Variants in NBAS observed in about 807,000 individuals in gnomAD.
NBAS encodes the protein NAG/BC035112 fusion.
NBAS carries 219 observed loss-of-function variants against 302.5 expected under a neutral mutation model. That is an observed-to-expected ratio of 0.72 (90% confidence interval 0.65 to 0.81). NBAS has a LOEUF of 0.81. Among genes scored for constraint, NBAS ranks in the 30% least tolerant of loss-of-function variants. NBAS has a pLI of 0.00. For missense variants in NBAS, 2,932 were observed against 2,841.6 expected (o/e 1.03, Z -0.72); for synonymous variants, 1,118 against 1,021.6 (o/e 1.09, Z -1.80).
intron 16 of NBAS, among the ~76,000 whole-genome samples, chr2:15,470,209 A>G (rs1679899734): frequency 6.6e-6 from 1 of 152,070 alleles, no homozygotes; most frequent in African/African-American, 2.4e-5. Flanking sequence ...AACATCTAGC[A>G]CACTGTAGGA....
At chr2:15,216,604 T>C (rs1032773726) in intron 48 of NBAS, among the ~76,000 whole-genome samples, 3 of 152,204 alleles carry the variant, frequency 2.0e-5, no homozygotes, top group African/African-American at 7.2e-5. Context: ...TATTCAGAAG[T>C]CCTTGAACTC....
chr2:14,971,928 A>G, the NBAS span, among the ~76,000 whole-genome samples: 87 of 152,326 alleles, frequency 5.7e-4, no homozygotes, highest in African/African-American at 1.8e-3. Flanking sequence ...TGGTTCTTGT[A>G]TCTCCATCAA....
At chr2:15,538,376 TG>T (rs1663624974) in intron 7 of NBAS, 2 of 411,790 alleles carry the variant, frequency 4.9e-6, no homozygotes, top group Non-Finnish European at 4.9e-6. Flanking sequence ...TCATTATTTC[TG>T]AAAAAAAAAT....
At position 15,239,689 on chromosome 2, in the gene NBAS, G is replaced by A. The variant is rs551665498; in HGVS notation, c.5725-1003C>T. 1.5e-4 allele frequency among the ~76,000 whole-genome samples: 22 copies of A among 149,014 alleles called. No individual in the cohort carries two copies. In the Admixed American group the frequency reaches 1.6e-3, roughly 11 times the overall value. On this transcript the variant is annotated intron_variant, in intron 44 of 51. Coordinates refer to ENST00000281513, the MANE Select transcript of NBAS (RefSeq NM_015909.4). The stretch of plus-strand genomic sequence containing the variant: ...TAAAAATATAAGAAATATGTATTCA[G>A]ACATATGCATATACATATATATATA...
At chr2:15,474,373 A>G (rs369816018) in intron 14 of NBAS, 49 bp from the exon 15 acceptor site, 2 of 1,502,284 alleles carry the variant, frequency 1.3e-6, no homozygotes, top group Middle Eastern at 1.7e-4. Context: ...AATAAGAATA[A>G]CTTTTTAGAA....
At chr2:15,251,111 T>C (rs1402400210) in intron 44 of NBAS, among the ~76,000 whole-genome samples, 1 of 152,164 alleles carries the variant, frequency 6.6e-6, no homozygotes, top group Non-Finnish European at 1.5e-5. Context: ...ATATATACCA[T>C]GGAATACTAT....
intron 44 of NBAS, among the ~76,000 whole-genome samples, chr2:15,261,568 T>C (rs1248223736): frequency 2.6e-5 from 4 of 152,210 alleles, no homozygotes; most frequent in African/African-American, 9.6e-5. Context: ...CCCTTTGCCT[T>C]GTACAATAAC....
chr2:15,046,133 A>G, the NBAS span, among the ~76,000 whole-genome samples: 4 of 152,140 alleles, frequency 2.6e-5, no homozygotes, highest in Non-Finnish European at 2.9e-5. Context: ...CAGCTCTCCA[A>G]TGGTTTCAAA....
rs187890179 is a variant in NBAS, at chr2:15,209,267, A to G, written c.6432+9506T>C. ...AACCATGAAGAAATCTAAAACCTGA[A>G]CAGACCAATAACAGGTAATGAGACA... On this transcript the variant is annotated intron_variant, in intron 48 of 51. Transcript: ENST00000281513. Among the ~76,000 whole-genome samples the G allele has an allele frequency of 5.9e-5, 9 of 152,302 alleles. No homozygotes were observed. In the East Asian group the frequency reaches 1.5e-3, roughly 26 times the overall value.
chr2:15,201,506 A>G (rs1317756823), intron 48 of NBAS, among the ~76,000 whole-genome samples: 1 of 152,224 alleles, frequency 6.6e-6, no homozygotes, highest in Non-Finnish European at 1.5e-5. Flanking sequence ...AACATTCCCC[A>G]CCAATCTAAG....
the NBAS span, among the ~76,000 whole-genome samples, chr2:14,957,522 T>C: frequency 6.6e-6 from 1 of 152,074 alleles, no homozygotes; most frequent in African/African-American, 2.4e-5. Context: ...CTAGGTTGTT[T>C]CTTGGGCTCC....
At chr2:15,110,461 A>G in the NBAS span, among the ~76,000 whole-genome samples, 1 of 152,214 alleles carries the variant, frequency 6.6e-6, no homozygotes, top group African/African-American at 2.4e-5. Flanking sequence ...GTGTTCATAC[A>G]TAATGTACAA....
At chr2:15,451,464 C>T (rs1679006865) in intron 21 of NBAS, among the ~76,000 whole-genome samples, 1 of 152,134 alleles carries the variant, frequency 6.6e-6, no homozygotes, top group African/African-American at 2.4e-5. Flanking sequence ...ATCAAAATAT[C>T]ATCAACTTAA....
At chr2:15,434,187 T>C (rs565890026) in intron 21 of NBAS, among the ~76,000 whole-genome samples, 29 of 152,224 alleles carry the variant, frequency 1.9e-4, no homozygotes, top group Non-Finnish European at 3.1e-4. Flanking sequence ...TCAGAAAGGC[T>C]GCTCTATACA....
In NBAS at chr2:15,287,162, G is replaced by A. The variant is rs1357985157; in HGVS notation, c.5049C>T (p.Tyr1683=). Residue 1683 remains tyrosine, a synonymous_variant, in exon 42 of 52, where the codon TAC becomes TAT. Coordinates refer to ENST00000281513, the MANE Select transcript of NBAS (RefSeq NM_015909.4). ...GTTGTGCCAGAGAAATAGCAATGCT[G>A]TAGACGCTTTCCTCTAGAGTTCTGC... ...GLAETLEESV[Y]SIAISLAQRY... 4 of 1,613,954 alleles carry A rather than the reference G, an allele frequency of 2.5e-6. No individual in the cohort carries two copies. The highest frequency in any genetic ancestry group is 2.2e-5 in the South Asian group (2 of 91,072).
chr2:15,287,296 T>C, intron 41 of NBAS, 113 bp from the exon 42 acceptor site: 1 of 776,500 alleles, frequency 1.3e-6, no homozygotes, highest in South Asian at 1.4e-5. Flanking sequence ...GCAAGCAGTG[T>C]GGTCCTTAAT....
At chr2:14,847,751 T>C in the NBAS span, among the ~76,000 whole-genome samples, 1 of 152,142 alleles carries the variant, frequency 6.6e-6, no homozygotes, top group Non-Finnish European at 1.5e-5. Flanking sequence ...CGAAGAAACA[T>C]CTGACTTAAT....
chr2:15,221,540 G>A (rs1046451986), intron 47 of NBAS, among the ~76,000 whole-genome samples: 1 of 152,066 alleles, frequency 6.6e-6, no homozygotes, highest in African/African-American at 2.4e-5. Context: ...ACCATGGAAC[G>A]GCAAGACTTT....
the NBAS span, among the ~76,000 whole-genome samples, chr2:14,810,279 C>G: frequency 6.6e-6 from 1 of 152,096 alleles, no homozygotes; most frequent in Non-Finnish European, 1.5e-5. Context: ...TGTCCCCACC[C>G]AAATCTCATC....
Sources: allele counts gnomAD v4.1 joint callset (sites outside exome capture counted in the v4.1 genomes callset), GRCh38; gene constraint gnomAD v4.1.1; transcripts MANE v1.5; gene names NCBI Gene and HGNC (gene_info 2026-07-23, HGNC 2026-07-21).